Variants in PCDH9 observed in about 807,000 individuals in gnomAD.
The protein encoded by PCDH9 is protocadherin-9.
PCDH9 carries 24 observed loss-of-function variants against 70.6 expected under a neutral mutation model. The ratio of observed to expected loss-of-function variants is 0.34; its 90% CI spans 0.25 to 0.48. The LOEUF (loss-of-function observed/expected upper bound fraction) is 0.48. Among genes scored for constraint, PCDH9 ranks in the 20% least tolerant of loss-of-function variants. The pLI, the probability that PCDH9 is intolerant of heterozygous loss-of-function variation, is 0.99. For missense variants in PCDH9, 1,281 were observed against 1,503.6 expected (o/e 0.85, Z 2.45); for synonymous variants, 562 against 558.5 (o/e 1.01, Z -0.09).
intron 2 of PCDH9, chr13:67,212,453 A>T (rs1337927704): frequency 6.6e-6 from 1 of 152,128 alleles, no homozygotes; most frequent in Non-Finnish European, 1.5e-5. Flanking sequence ...CTTAAAAAAA[A>T]TTTCCTATTG....
chr13:66,826,850 C>A (rs1015586727), intron 3 of PCDH9, among the ~76,000 whole-genome samples: 2 of 152,008 alleles, frequency 1.3e-5, no homozygotes, highest in East Asian at 3.9e-4. Context: ...GGCTGTAAAA[C>A]CTTGATTTGC....
chr13:66,424,913 A>G (rs1957642080), intron 4 of PCDH9, among the ~76,000 whole-genome samples: 1 of 151,912 alleles, frequency 6.6e-6, no homozygotes, highest in Non-Finnish European at 1.5e-5. Context: ...AACTAAAGAA[A>G]TAGTTAACTG....
intron 3 of PCDH9, among the ~76,000 whole-genome samples, chr13:66,845,661 T>C (rs1438009169): frequency 1.3e-5 from 2 of 152,106 alleles, no homozygotes; most frequent in Non-Finnish European, 1.5e-5. Flanking sequence ...TCCTGCTTGC[T>C]CCGTGGAGGA....
chr13:66,925,723 C>T (rs889941339), intron 2 of PCDH9, among the ~76,000 whole-genome samples: 1 of 151,834 alleles, frequency 6.6e-6, no homozygotes, highest in Non-Finnish European at 1.5e-5. Flanking sequence ...TACAAACAAA[C>T]ATATCATAAT....
intron 4 of PCDH9, among the ~76,000 whole-genome samples, chr13:66,575,165 T>C (rs1157131236): frequency 6.6e-6 from 1 of 152,062 alleles, no homozygotes; most frequent in Non-Finnish European, 1.5e-5. Flanking sequence ...AAGAATGGAA[T>C]TCCATCTCAA....
At chr13:66,747,904 T>C (rs947671313) in intron 3 of PCDH9, among the ~76,000 whole-genome samples, 2 of 152,206 alleles carry the variant, frequency 1.3e-5, no homozygotes, top group Non-Finnish European at 2.9e-5. Flanking sequence ...TTGTTCGTTA[T>C]GTAGTAATTA....
chr13:66,781,931 T>A (rs1313805648), intron 3 of PCDH9, among the ~76,000 whole-genome samples: 1 of 152,056 alleles, frequency 6.6e-6, no homozygotes, highest in Non-Finnish European at 1.5e-5. Flanking sequence ...CCCAAACACC[T>A]GTGGTTCTTT....
intron 4 of PCDH9, among the ~76,000 whole-genome samples, chr13:66,474,238 TC>T (rs1217439571): frequency 6.6e-6 from 1 of 152,160 alleles, no homozygotes; most frequent in African/African-American, 2.4e-5. Flanking sequence ...AAAACACAGC[TC>T]CATGGCACAC....
intron 4 of PCDH9, among the ~76,000 whole-genome samples, chr13:66,409,252 C>T (rs1337807410): frequency 6.6e-6 from 1 of 152,042 alleles, no homozygotes; most frequent in African/African-American, 2.4e-5. Context: ...AATAGAAAAA[C>T]ATGTTTAACA....
chr13:66,711,575 A>T (rs1204162039), intron 3 of PCDH9, among the ~76,000 whole-genome samples: 1 of 152,212 alleles, frequency 6.6e-6, no homozygotes, highest in Admixed American at 6.5e-5. Flanking sequence ...ATACAATGTT[A>T]TTTCATGTTC....
At chr13:66,404,290 G>T (rs1411544240) in intron 4 of PCDH9, among the ~76,000 whole-genome samples, 1 of 152,092 alleles carries the variant, frequency 6.6e-6, no homozygotes, top group African/African-American at 2.4e-5. Context: ...TCTCATATTT[G>T]AAACAATAAA....
At chr13:66,559,815 A>AT (rs1167018162) in intron 4 of PCDH9, among the ~76,000 whole-genome samples, 657 of 63,552 alleles carry the variant, frequency 0.01, 12 homozygotes, top group East Asian at 0.075. Context: ...AAAAAAAAAA[A>AT]AAATATATAT....
chr13:67,183,223 T>C (rs1339909686), intron 2 of PCDH9, among the ~76,000 whole-genome samples: 1 of 152,108 alleles, frequency 6.6e-6, no homozygotes, highest in East Asian at 1.9e-4. Context: ...TAAGCAACTG[T>C]CAGGAATCAA....
At chr13:66,507,960 A>T (rs1039704972) in intron 4 of PCDH9, among the ~76,000 whole-genome samples, 2 of 152,044 alleles carry the variant, frequency 1.3e-5, no homozygotes, top group African/African-American at 4.8e-5. Flanking sequence ...TGACCTCGTG[A>T]TCTGCCTGCC....
intron 4 of PCDH9, among the ~76,000 whole-genome samples, chr13:66,456,435 A>G (rs554493194): frequency 1.7e-4 from 26 of 151,970 alleles, no homozygotes; most frequent in Non-Finnish European, 3.4e-4. Flanking sequence ...CTAATTTTCA[A>G]ATTTTTTGTA....
rs567851878 is a variant in PCDH9, at chr13:66,860,033, A to T, written c.3138+43471T>A. 2.0e-5 allele frequency among the ~76,000 whole-genome samples: 3 copies of T among 152,292 alleles called. No individual in the cohort carries two copies. In the South Asian group the frequency reaches 6.2e-4, roughly 32 times the overall value. On this transcript the variant is annotated intron_variant, in intron 3 of 4. Transcript: ENST00000377865. ...AAGGTAGATTGGGTTATAAAGAAGT[A>T]TATAGGGAATTATGCAGTAGGCCAA...
rs2089890975 is a variant in PCDH9, at chr13:67,226,947, A to G, written c.1494T>C (p.Ser498=). The change falls in exon 2 of 5, where the codon AGT becomes AGC. Residue 498 remains serine (S), a synonymous_variant. Coordinates refer to ENST00000377865, the MANE Select transcript of PCDH9 (RefSeq NM_203487.3). This position sits in a 1 kb window ranked among gnomAD's most constrained non-coding sequence, Gnocchi z 5.0. ...GATAAACAATGTCTGCATTTTTCCC[A>G]CTGTCTTCATCTGTGGCACTAATAG... ...LTTISATDED[S]GKNADIVYQL... 1.2e-6 allele frequency: 2 copies of G among 1,614,048 alleles called. No homozygotes were observed. Among genetic ancestry groups the G allele is most frequent in the East Asian group, 2.2e-5 (1 of 44,890 alleles).
intron 4 of PCDH9, among the ~76,000 whole-genome samples, chr13:66,554,729 A>G (rs1341057410): frequency 2.0e-5 from 3 of 152,170 alleles, no homozygotes; most frequent in Non-Finnish European, 2.9e-5. Context: ...AAGAGATACT[A>G]AAGATTAATT....
chr13:67,229,777 T>TA lies in PCDH9; in HGVS notation c.-136+2dup, dbSNP rs2089966951. The TA allele has an allele frequency of 6.6e-6, 1 of 152,226 alleles. No individual in the cohort carries two copies. The highest frequency in any genetic ancestry group is 1.5e-5 in the Non-Finnish European group (1 of 68,044). The allele number at this position is 152,226 out of a possible 1,614,324, so 9.4% of individuals were successfully genotyped here. A position where few individuals can be genotyped will look rare whatever the true frequency, so the allele number is the denominator to read the frequency against. On this transcript the variant is annotated splice_region_variant and intron_variant, in intron 1 of 4. Transcript: ENST00000377865. Reference sequence around the variant, plus strand: ...AATTGTGCATGCGAAACTTTACACTTACGTTAGTTGCCTCAACCTTTCCCC... The same window carrying TA: ...AATTGTGCATGCGAAACTTTACACTTAACGTTAGTTGCCTCAACCTTTCCCC...
Sources: allele counts gnomAD v4.1 joint callset (sites outside exome capture counted in the v4.1 genomes callset), GRCh38; gene constraint gnomAD v4.1.1; non-coding constraint Gnocchi (gnomAD v3.1); transcripts MANE v1.5; gene names NCBI Gene and HGNC (gene_info 2026-07-23, HGNC 2026-07-21).